PHACTR2: variants seen among roughly 807,000 people sequenced by gnomAD.
PHACTR2 encodes phosphatase and actin regulator 2.
A neutral mutation model predicts 76.0 loss-of-function variants in PHACTR2; 30 were observed. The ratio of observed to expected loss-of-function variants is 0.39; its 90% CI spans 0.30 to 0.54. The LOEUF (loss-of-function observed/expected upper bound fraction) is 0.54, where lower values mean the gene tolerates loss of function less well. Ranked by LOEUF, PHACTR2 falls within the 20% of genes least tolerant of loss-of-function variation. The pLI is 0.61. For missense variants in PHACTR2, 696 were observed against 781.1 expected, an observed-to-expected ratio of 0.89 and a Z score of 1.30; for synonymous variants, 292 against 292.5, an observed-to-expected ratio of 1.00 and a Z score of 0.02.
chr6:143,744,414 G>C (rs1205554061), intron 2 of PHACTR2, among the ~76,000 whole-genome samples: 1 of 152,212 alleles, frequency 6.6e-6, no homozygotes, highest in Non-Finnish European at 1.5e-5. Context: ...AAGCAAAACA[G>C]AATTTTGGTT....
chr6:143,630,797 A>G (rs992279789), intron 1 of PHACTR2, among the ~76,000 whole-genome samples: 1 of 152,254 alleles, frequency 6.6e-6, no homozygotes, highest in Non-Finnish European at 1.5e-5. Context: ...TAAGCCAGAA[A>G]TACACTGGTA....
At chr6:143,628,419 G>C (rs965860418) in intron 1 of PHACTR2, among the ~76,000 whole-genome samples, 3 of 152,198 alleles carry the variant, frequency 2.0e-5, no homozygotes, top group African/African-American at 7.2e-5. Flanking sequence ...GGCACTGGGG[G>C]AGAATCTGTT....
intron 2 of PHACTR2, among the ~76,000 whole-genome samples, chr6:143,713,843 T>C (rs1778240378): frequency 6.6e-6 from 1 of 152,182 alleles, no homozygotes; most frequent in Non-Finnish European, 1.5e-5. Flanking sequence ...GCTTAAGCAT[T>C]GGGAGAATCT....
chr6:143,693,340 C>T (rs554279016), intron 1 of PHACTR2, among the ~76,000 whole-genome samples: 5 of 152,206 alleles, frequency 3.3e-5, no homozygotes, highest in East Asian at 1.9e-4. Flanking sequence ...CAGGTTCCAG[C>T]GGTTCTCCTG....
Position 143,653,776 on chromosome 6 carries a change from C to T in PHACTR2, c.13+45454C>T, listed in dbSNP as rs1378399464. Among the ~76,000 whole-genome samples the T allele has an allele frequency of 6.6e-6, 1 of 151,958 alleles. No homozygotes were observed. Among genetic ancestry groups the T allele is most frequent in the East Asian group, 1.9e-4 (1 of 5,194 alleles). ...AAACTATAACAGGCTTAGAAGAAAA[C>T]ATAGGTGTAAATTTTCATGACCTTG... is the stretch of plus-strand genomic sequence containing the variant. On this transcript the variant is annotated intron_variant, in intron 1 of 11. Coordinates refer to the PHACTR2 transcript ENST00000305766. This position sits in a 1 kb window ranked among gnomAD's most constrained non-coding sequence, Gnocchi z 4.9.
Position 143,809,935 on chromosome 6 carries a change from A to G in PHACTR2, c.1922+2802A>G, listed in dbSNP as rs1776142399. On this transcript the variant is annotated intron_variant, in intron 12 of 12. Transcript: ENST00000440869. This position sits in a 1 kb window ranked among gnomAD's most constrained non-coding sequence, Gnocchi z 4.2. Reference sequence around the variant, plus strand: ...GAGACCAGCCTGGACAACATAGCAAACCCTGTCTCTACTAAAAATACAAAA... The same window carrying G: ...GAGACCAGCCTGGACAACATAGCAAGCCCTGTCTCTACTAAAAATACAAAA... 6.6e-6 allele frequency among the ~76,000 whole-genome samples: 1 copy of G among 151,864 alleles called. No homozygotes were observed. Among genetic ancestry groups the G allele is most frequent in the Non-Finnish European group, 1.5e-5 (1 of 67,974 alleles).
chr6:143,598,696 T>C lies in PHACTR2; in HGVS notation c.217+61489T>C, dbSNP rs1775779412. Among the ~76,000 whole-genome samples the C allele has an allele frequency of 6.6e-6, 1 of 152,222 alleles. No homozygotes were observed. Among genetic ancestry groups the C allele is most frequent in the African/African-American group, 2.4e-5 (1 of 41,456 alleles). ...TGGATATGTTAGAACCTGGTTAACC[T>C]TGACTGTTATCCAGTGCCTTTCCTG... On this transcript the variant is annotated intron_variant, in intron 1 of 11. Transcript: ENST00000367584. This position sits in a 1 kb window ranked among gnomAD's most constrained non-coding sequence, Gnocchi z 4.1.
chr6:143,763,013 A>T (rs1450756091), intron 5 of PHACTR2, among the ~76,000 whole-genome samples: 1 of 152,212 alleles, frequency 6.6e-6, no homozygotes, highest in East Asian at 1.9e-4. Flanking sequence ...GTGAAAAAAA[A>T]TGTATCTTTT....
rs1312327189 is a variant in PHACTR2, at chr6:143,759,514, C to T, written c.455-887C>T. On this transcript the variant is annotated intron_variant, in intron 4 of 12. Coordinates refer to ENST00000440869, the MANE Select transcript of PHACTR2 (RefSeq NM_001100164.2). ...ACAAAACATTCAAAAATTAGCTGGG[C>T]GTGGTGGCAAACACCTGTGGTCTCA... Among the ~76,000 whole-genome samples the T allele has an allele frequency of 4.0e-5, 6 of 151,802 alleles. 1 individual carries two copies. Among genetic ancestry groups the T allele is most frequent in the East Asian group, 3.9e-4 (2 of 5,170 alleles).
chr6:143,766,013 C>T (rs1779555793), intron 6 of PHACTR2, among the ~76,000 whole-genome samples: 1 of 152,196 alleles, frequency 6.6e-6, no homozygotes, highest in African/African-American at 2.4e-5. Context: ...CTGACAAATA[C>T]CACTTGAGAT....
At chr6:143,740,595 T>C (rs940677903) in intron 2 of PHACTR2, among the ~76,000 whole-genome samples, 1 of 151,834 alleles carries the variant, frequency 6.6e-6, no homozygotes, top group African/African-American at 2.4e-5. Flanking sequence ...AAGTGGAGAA[T>C]TGCTTGTGGA....
intron 1 of PHACTR2, among the ~76,000 whole-genome samples, chr6:143,636,684 G>A (rs905503016): frequency 2.0e-5 from 3 of 152,010 alleles, no homozygotes; most frequent in Non-Finnish European, 4.4e-5. Flanking sequence ...GCTCATCTTG[G>A]GTAGCATATA....
chr6:143,578,189 T>C lies in PHACTR2; in HGVS notation c.217+40982T>C, dbSNP rs762615800. Among the ~76,000 whole-genome samples the C allele has an allele frequency of 6.6e-6, 1 of 152,170 alleles. No homozygotes were observed. The highest frequency in any genetic ancestry group is 2.4e-5 in the African/African-American group (1 of 41,452). ...CATTGCAGTCAAGTGCAGGGCTCCA[T>C]GAGAGCTGGAGAGGGGTCCCCAGAC... On this transcript the variant is annotated intron_variant, in intron 1 of 11. Coordinates refer to the PHACTR2 transcript ENST00000367584. This position sits in a 1 kb window ranked among gnomAD's most constrained non-coding sequence, Gnocchi z 4.5.
At chr6:143,613,711 A>G (rs1265560382) in intron 1 of PHACTR2, among the ~76,000 whole-genome samples, 2 of 152,252 alleles carry the variant, frequency 1.3e-5, no homozygotes, top group African/African-American at 4.8e-5. Context: ...TCTGTCGAGA[A>G]CAACTGTTAG....
rs979804392 is a variant in PHACTR2, at chr6:143,629,289, C to T, written c.13+20967C>T. 5.4e-4 allele frequency among the ~76,000 whole-genome samples: 82 copies of T among 151,954 alleles called. 3 individuals carry two copies. Among genetic ancestry groups the T allele is most frequent in the Admixed American group, 6.6e-5 (1 of 15,256 alleles). ...TCTGCTGAGGGGGACAGAATTTTAC[C>T]ATCTGAGAAAGAGCAGAACATATTT... is the stretch of plus-strand genomic sequence containing the variant. On this transcript the variant is annotated intron_variant, in intron 1 of 11. Transcript: ENST00000305766.
intron 1 of PHACTR2, among the ~76,000 whole-genome samples, chr6:143,706,060 A>G (rs1414124532): frequency 6.6e-6 from 1 of 152,236 alleles, no homozygotes; most frequent in Non-Finnish European, 1.5e-5. Context: ...ATCTAATACT[A>G]TAATTTTACT....
Position 143,683,685 on chromosome 6 carries a change from G to A in PHACTR2, c.46+5476G>A, listed in dbSNP as rs1462463766. ...GTCCAGAATATTTATCCATTTCCTT[G>A]TAAACCAGGCACAGGAAGAGGTCCT... On this transcript the variant is annotated intron_variant, in intron 1 of 12. Coordinates refer to ENST00000440869, the MANE Select transcript of PHACTR2 (RefSeq NM_001100164.2). This position sits in a 1 kb window ranked among gnomAD's most constrained non-coding sequence, Gnocchi z 4.1. 1.3e-5 allele frequency among the ~76,000 whole-genome samples: 2 copies of A among 152,132 alleles called. No homozygotes were observed. Among genetic ancestry groups the A allele is most frequent in the Non-Finnish European group, 2.9e-5 (2 of 68,036 alleles).
In PHACTR2 at chr6:143,803,491, T is replaced by C. The variant is rs867856293; in HGVS notation, c.1846-3566T>C. 2.2e-4 allele frequency among the ~76,000 whole-genome samples: 33 copies of C among 152,132 alleles called. No individual in the cohort carries two copies. Among genetic ancestry groups the C allele is most frequent in the African/African-American group, 7.0e-4 (29 of 41,434 alleles). ...TGAACCCAGGAGGCAGAGGTTGCAG[T>C]GAGCTGAGATCACGCCACTGCACTC... On this transcript the variant is annotated intron_variant, in intron 11 of 12. Coordinates refer to ENST00000440869, the MANE Select transcript of PHACTR2 (RefSeq NM_001100164.2). This position sits in a 1 kb window ranked among gnomAD's most constrained non-coding sequence, Gnocchi z 4.7.
At chr6:143,705,516 G>A (rs1778032542) in intron 1 of PHACTR2, among the ~76,000 whole-genome samples, 3 of 151,764 alleles carry the variant, frequency 2.0e-5, no homozygotes, top group South Asian at 2.1e-4. Context: ...AGATGGTCTC[G>A]ATCTCCTGAC....
Sources: allele counts gnomAD v4.1 joint callset (sites outside exome capture counted in the v4.1 genomes callset), GRCh38; gene constraint gnomAD v4.1.1; non-coding constraint Gnocchi (gnomAD v3.1); transcripts MANE v1.5; gene names NCBI Gene and HGNC (gene_info 2026-07-23, HGNC 2026-07-21).